The following SLC37A1 variants were observed in gnomAD, a reference collection of about 807,000 sequenced individuals.
The protein encoded by SLC37A1 is solute carrier family 37 member 1, also known as glucose-6-phosphate exchanger SLC37A1.
Under a neutral mutation model 75.3 loss-of-function variants are expected in SLC37A1, and 49 were observed. The observed-to-expected ratio is 0.65, with a 90% confidence interval of 0.52 to 0.83. The LOEUF (loss-of-function observed/expected upper bound fraction) is 0.83. Ranked by LOEUF, SLC37A1 falls within the 40% of genes least tolerant of loss-of-function variation. The probability of loss-of-function intolerance (pLI) is 0.00; values close to 1 mark genes in which losing one functional copy is unlikely to be tolerated. For synonymous variants in SLC37A1, 268 were observed against 292.1 expected (o/e 0.92, Z 0.84); for missense variants, 566 against 695.0 (o/e 0.81, Z 2.09).
At chr21:42,534,568 A>G (rs2055083486) in intron 3 of SLC37A1, 130 bp from the exon 4 acceptor site, 10 of 1,153,500 alleles carry the variant, frequency 8.7e-6, no homozygotes, top group Non-Finnish European at 1.2e-5. Flanking sequence ...TGTCCCTCTT[A>G]GAATGCAGGG....
At chr21:42,530,593 GAT>G in intron 3 of SLC37A1, among the ~76,000 whole-genome samples, 1 of 109,144 alleles carries the variant, frequency 9.2e-6, no homozygotes, top group Non-Finnish European at 2.0e-5. Context: ...AAATGCAGAT[GAT>G]ACACACACAC....
chr21:42,526,733 A>C (rs563521219), intron 3 of SLC37A1, among the ~76,000 whole-genome samples: 10 of 152,292 alleles, frequency 6.6e-5, no homozygotes, highest in Middle Eastern at 3.4e-3. Context: ...ACATTCATTT[A>C]CCCAAAAGAT....
At position 42,580,606 on chromosome 21, in the gene SLC37A1, C is replaced by T; in HGVS notation, c.*246C>T. On this transcript the variant is annotated 3_prime_UTR_variant, in exon 20 of 20. Coordinates refer to ENST00000352133, the MANE Select transcript of SLC37A1 (RefSeq NM_001320537.2). ...CTGAGCCAAGCCAGAGAACCGAAGA[C>T]CCGGCCGGCCCTGGCCTCACAGGCG... is the stretch of plus-strand genomic sequence containing the variant. The T allele has an allele frequency of 1.8e-6, 1 of 558,952 alleles. No individual in the cohort carries two copies. Among genetic ancestry groups the T allele is most frequent in the Non-Finnish European group, 3.1e-6 (1 of 318,434 alleles). 34.6% of individuals were successfully genotyped at this position (558,952 alleles called of 1,614,324 possible).
chr21:42,559,234 A>G, intron 11 of SLC37A1, 145 bp downstream of exon 11: 1 of 1,010,630 alleles, frequency 9.9e-7, no homozygotes. Flanking sequence ...TAGACGCTGC[A>G]CAGTGCTAGC....
chr21:42,516,723 C>T (rs1201407518), intron 1 of SLC37A1, among the ~76,000 whole-genome samples: 1 of 152,122 alleles, frequency 6.6e-6, no homozygotes, highest in East Asian at 1.9e-4. Context: ...GTTGTTGTCA[C>T]AGGTTTTATC....
rs79255104 is a variant in SLC37A1, at chr21:42,548,462, C to G, written c.768+1322C>G. The stretch of plus-strand genomic sequence containing the variant: ...GACCCGAGGAGCCAGCCCAACACCC[C>G]CTCCCTTCAGCCCCGCACCCCATCC... On this transcript the variant is annotated intron_variant, in intron 9 of 19. Transcript: ENST00000352133. The surrounding 1 kb of genome is among the most constrained non-coding windows in gnomAD (Gnocchi z 5.6). 3.7e-3 allele frequency among the ~76,000 whole-genome samples: 568 copies of G among 152,132 alleles called. 3 individuals are homozygous for G. Among genetic ancestry groups the G allele is most frequent in the African/African-American group, 0.013 (535 of 41,502 alleles).
At chr21:42,504,135 A>C (rs1045754155) in intron 2 of SLC37A1, among the ~76,000 whole-genome samples, 3 of 152,216 alleles carry the variant, frequency 2.0e-5, no homozygotes, top group African/African-American at 7.2e-5. Flanking sequence ...TTGATTACTT[A>C]GTTATCTTGG....
chr21:42,528,989 G>GT (rs202230077), intron 3 of SLC37A1, among the ~76,000 whole-genome samples: 11 of 151,838 alleles, frequency 7.2e-5, no homozygotes, highest in African/African-American at 2.4e-4. Context: ...TCTTAGCAGG[G>GT]TTTTTTTTAA....
intron 6 of SLC37A1, among the ~76,000 whole-genome samples, chr21:42,540,646 C>T (rs2055256568): frequency 6.6e-6 from 1 of 152,184 alleles, no homozygotes; most frequent in Non-Finnish European, 1.5e-5. Context: ...CCCAGCAGTC[C>T]TGTGGATCAA....
In SLC37A1 at chr21:42,568,411, G is replaced by A. The variant is rs1323096307; in HGVS notation, c.1396G>A (p.Ala466Thr). Residue 466 changes from alanine (A) to threonine (T), a missense_variant, in exon 17 of 20, where the codon GCC (alanine) becomes ACC (threonine). Transcript: ENST00000352133. ...GNAHALSTVT[A>T]IIDGTGSVGA... is the part of the protein sequence containing the mutation. ...CGCGCACGCCCTCTCCACCGTGACG[G>A]CCATCATTGACGGGACGGGCTCTGT... 1.9e-6 allele frequency: 3 copies of A among 1,614,096 alleles called. No homozygotes were observed. Among genetic ancestry groups the A allele is most frequent in the Admixed American group, 3.3e-5 (2 of 60,026 alleles).
chr21:42,580,392 G>C lies in SLC37A1; in HGVS notation c.*32G>C. On this transcript the variant is annotated 3_prime_UTR_variant, in exon 20 of 20. Coordinates refer to ENST00000352133, the MANE Select transcript of SLC37A1 (RefSeq NM_001320537.2). ...ACCCCAGTCCCGTGGAGGGGGTCTGGGCCCACCCTTCACAACTGCCTTTCA... is the reference window on the plus strand; with the variant it reads ...ACCCCAGTCCCGTGGAGGGGGTCTGCGCCCACCCTTCACAACTGCCTTTCA... 6.2e-7 allele frequency: 1 copy of C among 1,610,978 alleles called. No homozygotes were observed. Among genetic ancestry groups the C allele is most frequent in the Non-Finnish European group, 8.5e-7 (1 of 1,178,762 alleles).
intron 8 of SLC37A1, 131 bp downstream of exon 8, chr21:42,543,733 C>A: frequency 1.1e-6 from 1 of 870,398 alleles, no homozygotes; most frequent in South Asian, 2.0e-5. Flanking sequence ...CCTCAGCGCT[C>A]TTCTTACCAG....
intron 2 of SLC37A1, among the ~76,000 whole-genome samples, chr21:42,525,091 G>T (rs1001348305): frequency 5.9e-5 from 9 of 152,222 alleles, no homozygotes; most frequent in Admixed American, 3.3e-4. Flanking sequence ...TGCTGAGCAC[G>T]GGGAGGTTCC....
intron 18 of SLC37A1, among the ~76,000 whole-genome samples, chr21:42,576,246 T>C (rs1379012730): frequency 6.6e-6 from 1 of 151,988 alleles, no homozygotes; most frequent in Non-Finnish European, 1.5e-5. Flanking sequence ...CTAGATGATA[T>C]CTGCACACTG....
intron 18 of SLC37A1, 194 bp downstream of exon 18, chr21:42,575,109 A>G: frequency 1.0e-6 from 1 of 985,482 alleles, no homozygotes. Context: ...GAAGCAGGAC[A>G]GTCTTGCTCT....
chr21:42,543,675 G>A, intron 8 of SLC37A1, 73 bp downstream of exon 8: 6 of 1,485,422 alleles, frequency 4.0e-6, no homozygotes, highest in Non-Finnish European at 5.4e-6. Context: ...GGGCCTTGGG[G>A]GCGAGTGTGA....
chr21:42,537,735 G>T (rs2055175650), intron 5 of SLC37A1, among the ~76,000 whole-genome samples: 1 of 152,224 alleles, frequency 6.6e-6, no homozygotes, highest in African/African-American at 2.4e-5. Context: ...TTACGGTAAA[G>T]ATAATTCTTA....
At chr21:42,516,195 T>C (rs2054518806) in intron 1 of SLC37A1, among the ~76,000 whole-genome samples, 3 of 152,226 alleles carry the variant, frequency 2.0e-5, no homozygotes, top group Admixed American at 1.3e-4. Flanking sequence ...TTGGGCAGTG[T>C]GCCAAAAACT....
At chr21:42,531,592 C>T (rs1035764475) in intron 3 of SLC37A1, among the ~76,000 whole-genome samples, 3 of 152,150 alleles carry the variant, frequency 2.0e-5, no homozygotes, top group Admixed American at 1.3e-4. Context: ...GGACTTGACC[C>T]CCTCCCCAAG....
Sources: allele counts gnomAD v4.1 joint callset (sites outside exome capture counted in the v4.1 genomes callset), GRCh38; gene constraint gnomAD v4.1.1; non-coding constraint Gnocchi (gnomAD v3.1); transcripts MANE v1.5; gene names NCBI Gene and HGNC (gene_info 2026-07-23, HGNC 2026-07-21).